The following ST13 variants were observed in gnomAD, a reference collection of about 807,000 sequenced individuals.
ST13 encodes the protein hsc70-interacting protein.
Under a neutral mutation model 56.7 loss-of-function variants are expected in ST13, and 23 were observed. The ratio of observed to expected loss-of-function variants is 0.41; its 90% CI spans 0.29 to 0.57. The LOEUF is 0.57. Among genes scored for constraint, ST13 ranks in the 20% least tolerant of loss-of-function variants. The pLI is 0.36. For synonymous variants in ST13, 132 were observed against 142.4 expected, an observed-to-expected ratio of 0.93 and a Z score of 0.52; for missense variants, 369 against 459.9, an observed-to-expected ratio of 0.80 and a Z score of 1.81.
intron 10 of ST13, 30 bp downstream of exon 10, chr22:40,829,596 A>G (rs1343036200): frequency 3.9e-6 from 5 of 1,274,916 alleles, no homozygotes; most frequent in Non-Finnish European, 5.3e-6. Context: ...ATAATAGAAC[A>G]AAACAGTTTT....
chr22:40,850,699 G>T, intron 2 of ST13, 124 bp downstream of exon 2: 2 of 707,570 alleles, frequency 2.8e-6, no homozygotes. Context: ...GTCTTAAAAG[G>T]TCTTATTTCC....
At chr22:40,831,116 A>G (rs1429298415) in intron 8 of ST13, among the ~76,000 whole-genome samples, 160 bp from the exon 9 acceptor site, 1 of 152,232 alleles carries the variant, frequency 6.6e-6, no homozygotes, top group Non-Finnish European at 1.5e-5. Flanking sequence ...CCTTTAAGAA[A>G]ACCAACCTCA....
At chr22:40,841,651 A>C (rs1032714101) in intron 4 of ST13, among the ~76,000 whole-genome samples, 4 of 152,192 alleles carry the variant, frequency 2.6e-5, no homozygotes, top group African/African-American at 9.7e-5. Flanking sequence ...CTGTCACCCA[A>C]GCTCCGGTGC....
chr22:40,845,830 C>T (rs1019541149), intron 3 of ST13, among the ~76,000 whole-genome samples: 2 of 151,968 alleles, frequency 1.3e-5, no homozygotes, highest in African/African-American at 4.8e-5. Context: ...TAAAATCACC[C>T]ACCTAAAATC....
At chr22:40,842,895 T>C (rs1200854640) in intron 4 of ST13, among the ~76,000 whole-genome samples, 1 of 152,248 alleles carries the variant, frequency 6.6e-6, no homozygotes, top group Non-Finnish European at 1.5e-5. Context: ...CTCATACCTG[T>C]AATCCCAGCA....
intron 5 of ST13, among the ~76,000 whole-genome samples, chr22:40,837,026 G>A (rs1470029480): frequency 6.6e-6 from 1 of 152,158 alleles, no homozygotes; most frequent in Admixed American, 6.5e-5. Flanking sequence ...GTGTCACCTA[G>A]GCTGCTCTCG....
chr22:40,853,906 A>G (rs1237864974), intron 1 of ST13, among the ~76,000 whole-genome samples: 2 of 152,214 alleles, frequency 1.3e-5, no homozygotes, highest in Non-Finnish European at 2.9e-5. Context: ...GTCTCTAAAA[A>G]GGGAAAAACA....
At chr22:40,843,771 A>G (rs1204513603) in intron 4 of ST13, among the ~76,000 whole-genome samples, 2 of 152,256 alleles carry the variant, frequency 1.3e-5, no homozygotes, top group African/African-American at 4.8e-5. Context: ...ACAAAGCAGT[A>G]AGAAAAAGAT....
chr22:40,855,875 G>C (rs1255187449), intron 1 of ST13, among the ~76,000 whole-genome samples: 1 of 152,134 alleles, frequency 6.6e-6, no homozygotes, highest in Non-Finnish European at 1.5e-5. Flanking sequence ...ACACTGCCAA[G>C]TAACGGAGGT....
intron 5 of ST13, among the ~76,000 whole-genome samples, chr22:40,839,227 T>G (rs2057791361): frequency 6.6e-6 from 1 of 152,196 alleles, no homozygotes. Flanking sequence ...TCACAAAATG[T>G]TTAAAATATA....
At chr22:40,831,433 A>T (rs573496126) in intron 8 of ST13, among the ~76,000 whole-genome samples, 9 of 152,364 alleles carry the variant, frequency 5.9e-5, no homozygotes, top group Non-Finnish European at 1.3e-4. Flanking sequence ...AATATTTAAT[A>T]TTATCAAATT....
At chr22:40,836,927 C>T (rs1419107895) in intron 5 of ST13, among the ~76,000 whole-genome samples, 3 of 152,132 alleles carry the variant, frequency 2.0e-5, no homozygotes, top group Non-Finnish European at 4.4e-5. Context: ...GTGATCATCC[C>T]ACCTCAGCTT....
intron 1 of ST13, among the ~76,000 whole-genome samples, chr22:40,855,996 A>T (rs2057891477): frequency 1.3e-5 from 2 of 152,176 alleles, no homozygotes; most frequent in African/African-American, 4.8e-5. Context: ...TGTAACTTTT[A>T]ACTTACTAGT....
chr22:40,848,205 A>T, intron 3 of ST13, 89 bp downstream of exon 3: 1 of 884,574 alleles, frequency 1.1e-6, no homozygotes, highest in South Asian at 1.4e-5. Context: ...TATTTCTATT[A>T]CACAGTGCTG....
chr22:40,849,995 T>C (rs1209411570), intron 2 of ST13, among the ~76,000 whole-genome samples: 1 of 151,138 alleles, frequency 6.6e-6, no homozygotes, highest in African/African-American at 2.4e-5. Flanking sequence ...CCAGGCATGG[T>C]GGCTCACGCC....
At chr22:40,853,874 A>AAT (rs1159540251) in intron 1 of ST13, among the ~76,000 whole-genome samples, 1 of 152,230 alleles carries the variant, frequency 6.6e-6, no homozygotes. Flanking sequence ...AACGGGAGAA[A>AAT]ATAGAGTGGG....
At chr22:40,848,250 C>T in intron 3 of ST13, 44 bp downstream of exon 3, 1 of 1,373,016 alleles carries the variant, frequency 7.3e-7, no homozygotes, top group Non-Finnish European at 1.0e-6. Context: ...AACAAAGTAT[C>T]ACATCATAGG....
In ST13 at chr22:40,856,380, C is replaced by G. The variant is rs375149487; in HGVS notation, c.110+51G>C. The G allele has an allele frequency of 6.3e-4, 953 of 1,520,186 alleles. 1 individual carries two copies. The highest frequency in any genetic ancestry group is 3.5e-3 in the African/African-American group (252 of 73,000). 94.2% of individuals were successfully genotyped at this position (1,520,186 alleles called of 1,614,324 possible). On this transcript the variant is annotated intron_variant, in intron 1 of 11. Transcript: ENST00000216218. The stretch of plus-strand genomic sequence containing the variant: ...CGAGCCAGGTCCAGCCTGGCTCCCC[C>G]CTGGGGCCGTGCTTCCCCCGCCCCC...
At chr22:40,839,241 T>C (rs1038471571) in intron 5 of ST13, among the ~76,000 whole-genome samples, 2 of 152,182 alleles carry the variant, frequency 1.3e-5, no homozygotes, top group African/African-American at 4.8e-5. Flanking sequence ...AAATATATAC[T>C]AACTCGGAAC....
Sources: allele counts gnomAD v4.1 joint callset (sites outside exome capture counted in the v4.1 genomes callset), GRCh38; gene constraint gnomAD v4.1.1; transcripts MANE v1.5; gene names NCBI Gene and HGNC (gene_info 2026-07-23, HGNC 2026-07-21).